SLC44A5: variants seen among roughly 807,000 people sequenced by gnomAD.
The protein encoded by SLC44A5 is solute carrier family 44 member 5, also known as choline transporter-like protein 5.
In SLC44A5, 57 loss-of-function variants were observed where a neutral mutation model predicts 101.8. That is an observed-to-expected ratio of 0.56 (90% CI 0.45 to 0.70). SLC44A5 has a LOEUF of 0.70. SLC44A5 is among the 30% of genes least tolerant of loss of function. The probability of loss-of-function intolerance (pLI) is 0.00; values close to 1 mark genes in which losing one functional copy is unlikely to be tolerated. For synonymous variants in SLC44A5, 281 were observed against 290.9 expected, an observed-to-expected ratio of 0.97 and a Z score of 0.35; for missense variants, 737 against 853.1, an observed-to-expected ratio of 0.86 and a Z score of 1.70.
chr1:75,309,020 T>C (rs1261919180), intron 4 of SLC44A5, among the ~76,000 whole-genome samples: 1 of 152,202 alleles, frequency 6.6e-6, no homozygotes, highest in African/African-American at 2.4e-5. Context: ...AGTAATTTTC[T>C]TTTTAGTAAT....
intron 2 of SLC44A5, among the ~76,000 whole-genome samples, chr1:75,471,877 C>CT (rs11284318): frequency 2.0e-5 from 3 of 151,154 alleles, no homozygotes; most frequent in Non-Finnish European, 2.9e-5. Flanking sequence ...ACCACTAAGG[C>CT]TTTTTTTTCT....
chr1:75,608,062 A>T (rs211674), intron 1 of SLC44A5, among the ~76,000 whole-genome samples: 143,809 of 152,024 alleles, frequency 0.95, 68,075 homozygotes, highest in East Asian at 0.97. Context: ...GAGTTCAATA[A>T]TTTTGGATTC....
chr1:75,662,510 T>C, the SLC44A5 span, among the ~76,000 whole-genome samples: 2 of 152,082 alleles, frequency 1.3e-5, no homozygotes, highest in African/African-American at 4.8e-5. Flanking sequence ...AGAGAAGATA[T>C]GGAATGCTCC....
rs143014042 is a variant in SLC44A5, at chr1:75,326,909, G to A, written c.101+12673C>T. 5.1e-3 allele frequency among the ~76,000 whole-genome samples: 783 copies of A among 152,114 alleles called. 8 individuals are homozygous for A. In the Middle Eastern group the frequency reaches 0.054, roughly 11 times the overall value. On this transcript the variant is annotated intron_variant, in intron 4 of 23. Transcript: ENST00000370859. ...TCCACCTATTGTAAGGGATAAACTC[G>A]CCTATCTACAGAAAAGGAAACTATA...
chr1:75,702,129 A>G, the SLC44A5 span, among the ~76,000 whole-genome samples: 1 of 152,118 alleles, frequency 6.6e-6, no homozygotes, highest in Non-Finnish European at 1.5e-5. Context: ...GCTACCAATG[A>G]CTTTCTTCAC....
chr1:75,624,729 G>A, the SLC44A5 span, among the ~76,000 whole-genome samples: 15 of 152,018 alleles, frequency 9.9e-5, no homozygotes, highest in Admixed American at 2.6e-4. Flanking sequence ...CTGATGCTGC[G>A]GGTCCTCTGA....
intron 6 of SLC44A5, 152 bp from the exon 7 acceptor site, chr1:75,251,446 C>T (rs901872918): frequency 7.1e-5 from 42 of 588,376 alleles, no homozygotes; most frequent in African/African-American, 7.0e-4. Context: ...AGGTACCTAA[C>T]CTTTAAAGTA....
At chr1:75,367,566 C>G (rs975391004) in intron 3 of SLC44A5, among the ~76,000 whole-genome samples, 1 of 152,184 alleles carries the variant, frequency 6.6e-6, no homozygotes, top group African/African-American at 2.4e-5. Flanking sequence ...GGGTCACATA[C>G]TGCTTCAGAG....
chr1:75,708,413 CAA>C, the SLC44A5 span, among the ~76,000 whole-genome samples: 19 of 39,070 alleles, frequency 4.9e-4, no homozygotes, highest in African/African-American at 2.0e-3. Flanking sequence ...GACTCCGTCT[CAA>C]AAAAAAAAAA....
rs1394628083 is a variant in SLC44A5, at chr1:75,526,766, C to G, written c.13+14669G>C. Among the ~76,000 whole-genome samples, 3 of 152,290 alleles carry G rather than the reference C, an allele frequency of 2.0e-5. No individual in the cohort carries two copies. In the East Asian group the frequency reaches 5.8e-4, roughly 29 times the overall value. On this transcript the variant is annotated intron_variant, in intron 2 of 23. Coordinates refer to ENST00000370859, the MANE Select transcript of SLC44A5 (RefSeq NM_001130058.2). The stretch of plus-strand genomic sequence containing the variant: ...AGGAAATTTTATCTCCCACAATTTT[C>G]AGAGTAAACAATGCGCATTCTTCCA...
chr1:75,294,619 T>C lies in SLC44A5; in HGVS notation c.175+5993A>G, dbSNP rs748296222. Among the ~76,000 whole-genome samples the C allele has an allele frequency of 3.3e-5, 5 of 152,090 alleles. No individual in the cohort carries two copies. The East Asian group carries it at 7.7e-4, about 23-fold the overall frequency. On this transcript the variant is annotated intron_variant, in intron 5 of 23. Transcript: ENST00000370859. ...AGTTGAATGGATTAAGAAATTATAG[T>C]GTATGTGTGCTTGTGTATGTGTGTG... is the stretch of plus-strand genomic sequence containing the variant.
chr1:75,211,343 T>A, intron 23 of SLC44A5, 125 bp downstream of exon 23: 1 of 634,478 alleles, frequency 1.6e-6, no homozygotes, highest in Non-Finnish European at 2.8e-6. Context: ...TCTTTCCAGA[T>A]AAACACGTTT....
At chr1:75,596,059 A>T (rs1674612700) in intron 1 of SLC44A5, among the ~76,000 whole-genome samples, 1 of 152,186 alleles carries the variant, frequency 6.6e-6, no homozygotes, top group Non-Finnish European at 1.5e-5. Flanking sequence ...AAATCTTCTA[A>T]TAACCAATTG....
At chr1:75,430,492 A>C (rs1200334411) in intron 2 of SLC44A5, among the ~76,000 whole-genome samples, 1 of 152,218 alleles carries the variant, frequency 6.6e-6, no homozygotes, top group African/African-American at 2.4e-5. Context: ...AAACAGTATG[A>C]TGTGGAGAAA....
intron 6 of SLC44A5, among the ~76,000 whole-genome samples, chr1:75,258,485 T>A (rs1647329880): frequency 6.6e-6 from 1 of 151,954 alleles, no homozygotes; most frequent in Non-Finnish European, 1.5e-5. Flanking sequence ...GATTTCCTCC[T>A]CTCTGGGCAG....
intron 1 of SLC44A5, among the ~76,000 whole-genome samples, chr1:75,594,818 T>G (rs1293691194): frequency 1.3e-5 from 2 of 151,820 alleles, no homozygotes; most frequent in African/African-American, 2.4e-5. Flanking sequence ...ATTATTAAAC[T>G]AACAATGTTA....
At chr1:75,663,508 G>A in the SLC44A5 span, among the ~76,000 whole-genome samples, 251 of 152,204 alleles carry the variant, frequency 1.6e-3, no homozygotes, top group African/African-American at 5.8e-3. Flanking sequence ...TTCAAGAAAG[G>A]ATCTGCCTCA....
At chr1:75,447,615 T>C (rs947088971) in intron 2 of SLC44A5, among the ~76,000 whole-genome samples, 1 of 152,162 alleles carries the variant, frequency 6.6e-6, no homozygotes, top group East Asian at 1.9e-4. Flanking sequence ...GTATTAAGTG[T>C]AGAGCATGTA....
chr1:75,257,090 G>C (rs984491952), intron 6 of SLC44A5, among the ~76,000 whole-genome samples: 1 of 152,134 alleles, frequency 6.6e-6, no homozygotes, highest in Non-Finnish European at 1.5e-5. Flanking sequence ...CCTAGAATGA[G>C]AGACCATTGC....
Sources: gnomAD v4.1 joint callset for allele counts (sites outside exome capture counted in the v4.1 genomes callset) on GRCh38, gnomAD v4.1.1 for gene constraint, MANE v1.5 for transcripts, NCBI Gene and HGNC (gene_info 2026-07-23, HGNC 2026-07-21) for gene names.